The following CDKAL1 variants were observed in gnomAD, a reference collection of about 807,000 sequenced individuals.
CDKAL1 encodes the protein threonylcarbamoyladenosine tRNA methylthiotransferase.
Under a neutral mutation model 68.2 loss-of-function variants are expected in CDKAL1, and 32 were observed. The ratio of observed to expected loss-of-function variants is 0.47; its 90% CI spans 0.35 to 0.63. The LOEUF (loss-of-function observed/expected upper bound fraction) is 0.63. Among genes scored for constraint, CDKAL1 ranks in the 30% least tolerant of loss-of-function variants. The pLI is 0.00. For missense variants in CDKAL1, 606 were observed against 696.7 expected, an observed-to-expected ratio of 0.87 and a Z score of 1.47; for synonymous variants, 234 against 244.3, an observed-to-expected ratio of 0.96 and a Z score of 0.39.
At position 21,019,021 on chromosome 6, in the gene CDKAL1, TC is replaced by T. The variant is rs1768489247; in HGVS notation, c.1055+18652del. Among the ~76,000 whole-genome samples the T allele has an allele frequency of 3.3e-5, 5 of 152,270 alleles. No homozygotes were observed. In the South Asian group the frequency reaches 1.0e-3, roughly 32 times the overall value. On this transcript the variant is annotated intron_variant, in intron 11 of 15. Transcript: ENST00000274695. The stretch of plus-strand genomic sequence containing the variant: ...CTGGAATGTCATGGTGAGATACGTC[TC>T]CCTGCAACCTCCACCTGCCACGTTC...
intron 13 of CDKAL1, among the ~76,000 whole-genome samples, chr6:21,197,194 C>T (rs1430715567): frequency 6.6e-6 from 1 of 151,680 alleles, no homozygotes; most frequent in Non-Finnish European, 1.5e-5. Flanking sequence ...ATACTTGATA[C>T]CTTAAGTGCT....
intron 13 of CDKAL1, among the ~76,000 whole-genome samples, chr6:21,191,540 C>T (rs973692498): frequency 1.3e-5 from 2 of 152,114 alleles, no homozygotes; most frequent in Admixed American, 1.3e-4. Flanking sequence ...GTAAGTTTTC[C>T]ACAGCTAGCA....
intron 5 of CDKAL1, among the ~76,000 whole-genome samples, chr6:20,699,095 G>A (rs1315077257): frequency 6.6e-6 from 1 of 151,866 alleles, no homozygotes; most frequent in Non-Finnish European, 1.5e-5. Context: ...TTCTTGACCT[G>A]TGTTCTTTTG....
At chr6:20,904,775 G>A (rs1195786452) in intron 9 of CDKAL1, among the ~76,000 whole-genome samples, 5 of 144,444 alleles carry the variant, frequency 3.5e-5, no homozygotes, top group African/African-American at 1.3e-4. Context: ...GGCAACAAGA[G>A]CAAAACTCCA....
chr6:21,229,521 G>C (rs1321628810), intron 15 of CDKAL1, among the ~76,000 whole-genome samples: 1 of 152,156 alleles, frequency 6.6e-6, no homozygotes, highest in Non-Finnish European at 1.5e-5. Flanking sequence ...TTCCCAAACA[G>C]AAGCCAAAGA....
chr6:20,558,977 G>A (rs1764165681), intron 4 of CDKAL1: 1 of 155,598 alleles, frequency 6.4e-6, no homozygotes, highest in Non-Finnish European at 1.4e-5. Flanking sequence ...ACTGTGTTAT[G>A]CAATAGTTGC....
At chr6:20,800,213 G>A (rs1164347954) in intron 8 of CDKAL1, among the ~76,000 whole-genome samples, 1 of 152,048 alleles carries the variant, frequency 6.6e-6, no homozygotes, top group Non-Finnish European at 1.5e-5. Context: ...AGCCAAAAAT[G>A]GGAAACAACC....
rs185554996 is a variant in CDKAL1 at position 21,126,862 on chromosome 6, G to A, written c.1299+18399G>A. On this transcript the variant is annotated intron_variant, in intron 13 of 15. Coordinates refer to ENST00000274695, the MANE Select transcript of CDKAL1 (RefSeq NM_017774.3). ...TAATTGAACTGTCAAGGTAGTTTTT[G>A]CATTAAGCAAAGTTTGATTCAGGAC... Among the ~76,000 whole-genome samples, 542 of 152,158 alleles carry A rather than the reference G, an allele frequency of 3.6e-3. 2 individuals carry two copies. Among genetic ancestry groups the A allele is most frequent in the Non-Finnish European group, 5.6e-3 (379 of 68,004 alleles).
At chr6:21,052,773 T>TGGA (rs1353477562) in intron 11 of CDKAL1, among the ~76,000 whole-genome samples, 3 of 151,664 alleles carry the variant, frequency 2.0e-5, no homozygotes, top group Non-Finnish European at 4.4e-5. Context: ...TCAGGACTTT[T>TGGA]GGAGGCTGAG....
intron 11 of CDKAL1, among the ~76,000 whole-genome samples, chr6:21,043,259 G>A (rs905160884): frequency 6.6e-6 from 1 of 152,116 alleles, no homozygotes; most frequent in Non-Finnish European, 1.5e-5. Context: ...AATTGATGGT[G>A]TTGATTAATT....
intron 4 of CDKAL1, among the ~76,000 whole-genome samples, chr6:20,636,682 A>G (rs1287991295): frequency 6.6e-6 from 1 of 152,096 alleles, no homozygotes; most frequent in Admixed American, 6.6e-5. Context: ...GAGAGGTGGG[A>G]TGGGGGAGGG....
chr6:20,830,879 A>G (rs927023435), intron 8 of CDKAL1, among the ~76,000 whole-genome samples: 1 of 152,244 alleles, frequency 6.6e-6, no homozygotes, highest in South Asian at 2.1e-4. Flanking sequence ...CATTTCTTAC[A>G]TGTAAAATGA....
Position 20,887,087 on chromosome 6 carries a change from G to GTTGTAC in CDKAL1, c.742+40909_742+40910insTTGTAC. Among the ~76,000 whole-genome samples the GTTGTAC allele has an allele frequency of 2.0e-5, 3 of 152,308 alleles. No individual in the cohort carries two copies. In the East Asian group the frequency reaches 5.8e-4, roughly 29 times the overall value. On this transcript the variant is annotated intron_variant, in intron 9 of 15. Transcript: ENST00000274695. Reference sequence around the variant, plus strand: ...GTACATTAAAAGTGTTCAACAACATGAGTCACAAGGGAAATGCAAATGTGA... The same window carrying GTTGTAC: ...GTACATTAAAAGTGTTCAACAACATGTTGTACAGTCACAAGGGAAATGCAAATGTGA...
chr6:20,725,335 A>G (rs988331601), intron 5 of CDKAL1, among the ~76,000 whole-genome samples: 8 of 152,350 alleles, frequency 5.3e-5, no homozygotes, highest in African/African-American at 1.7e-4. Context: ...TAATCCCTTT[A>G]AGAATGGAGC....
At chr6:20,676,664 C>CA (rs1770118283) in intron 5 of CDKAL1, among the ~76,000 whole-genome samples, 2 of 97,340 alleles carry the variant, frequency 2.1e-5, no homozygotes, top group African/African-American at 7.8e-5. Flanking sequence ...GAGACTCTGT[C>CA]TTAAATAAAT....
intron 13 of CDKAL1, among the ~76,000 whole-genome samples, chr6:21,127,364 A>G (rs1370706601): frequency 6.6e-6 from 1 of 152,242 alleles, no homozygotes; most frequent in Non-Finnish European, 1.5e-5. Flanking sequence ...ATGTCGATAT[A>G]GAGGAATTGT....
chr6:21,172,487 C>T (rs888907190), intron 13 of CDKAL1, among the ~76,000 whole-genome samples: 4 of 152,174 alleles, frequency 2.6e-5, no homozygotes, highest in African/African-American at 4.8e-5. Flanking sequence ...AGGTGGTTCA[C>T]GCCTGTAATC....
intron 5 of CDKAL1, among the ~76,000 whole-genome samples, chr6:20,737,261 G>T (rs927069356): frequency 6.6e-6 from 1 of 152,038 alleles, no homozygotes; most frequent in Admixed American, 6.5e-5. Context: ...TGACTTCGTG[G>T]TATGTTAGCT....
chr6:21,065,453 T>A (rs1013346618), intron 12 of CDKAL1, among the ~76,000 whole-genome samples: 1 of 152,010 alleles, frequency 6.6e-6, no homozygotes, highest in Non-Finnish European at 1.5e-5. Context: ...AAAATTCAGA[T>A]GACTTGGGGA....
Sources: allele counts gnomAD v4.1 joint callset (sites outside exome capture counted in the v4.1 genomes callset), GRCh38; gene constraint gnomAD v4.1.1; transcripts MANE v1.5; gene names NCBI Gene and HGNC (gene_info 2026-07-23, HGNC 2026-07-21).